Variants in CAND2 observed in about 807,000 individuals in gnomAD.
The protein encoded by CAND2 is cullin associated and neddylation dissociated 2 (putative), also known as cullin-associated NEDD8-dissociated protein 2.
Under a neutral mutation model 98.9 loss-of-function variants are expected in CAND2, and 62 were observed. That is an observed-to-expected ratio of 0.63 (90% CI 0.51 to 0.77). The LOEUF is 0.77. CAND2 is among the 30% of genes least tolerant of loss of function. The pLI is 0.00. For synonymous variants in CAND2, 770 were observed against 731.9 expected (o/e 1.05, Z -0.84); for missense variants, 1,501 against 1,655.2 (o/e 0.91, Z 1.62).
At chr3:12,808,449 T>G (rs2061824327) in intron 4 of CAND2, 116 bp downstream of exon 4, 2 of 1,165,700 alleles carry the variant, frequency 1.7e-6, no homozygotes, top group Non-Finnish European at 2.4e-6. Flanking sequence ...GGCTCCTTAA[T>G]CATCCCAGCA....
intron 5 of CAND2, 151 bp downstream of exon 5, chr3:12,810,475 T>G (rs1575767699): frequency 2.3e-5 from 3 of 132,304 alleles, no homozygotes; most frequent in South Asian, 9.1e-5. Context: ...GGGCGGGGCC[T>G]GGGCTGATGT....
chr3:12,815,184 G>A lies in CAND2; in HGVS notation c.1050G>A (p.Lys350=). Residue 350 remains lysine (K), a synonymous_variant, in exon 8 of 15, where the codon AAG becomes AAA. Transcript: ENST00000456430. This position sits in a 1 kb window ranked among gnomAD's most constrained non-coding sequence, Gnocchi z 5.7. The stretch of plus-strand genomic sequence containing the variant: ...GCGATGACGATGACATGAGCTGGAA[G>A]GTGCGCCGGGCAGCTGCCAAGTGCA... ...EYSDDDDMSW[K]VRRAAAKCIA... The A allele has an allele frequency of 6.2e-7, 1 of 1,613,478 alleles. No homozygotes were observed. The highest frequency in any genetic ancestry group is 1.1e-5 in the South Asian group (1 of 91,056).
At chr3:12,796,902 CTCTTCT>C in intron 1 of CAND2, 114 bp downstream of exon 1, 1 of 839,858 alleles carries the variant, frequency 1.2e-6, no homozygotes, top group Non-Finnish European at 2.0e-6. Flanking sequence ...TGCCTCTTCT[CTCTTCT>C]CCCTGCATTA....
Position 12,820,200 on chromosome 3 carries a change from C to T in CAND2, c.3040+19C>T, listed in dbSNP as rs552718268. ...TTCATCGGTGAGCACCTACCTCTTG[C>T]CCCTCCACCTTGTTCAGTGCCCCCA... On this transcript the variant is annotated intron_variant, in intron 11 of 14. Coordinates refer to ENST00000456430, the MANE Select transcript of CAND2 (RefSeq NM_001162499.2). 1.3e-5 allele frequency: 20 copies of T among 1,586,232 alleles called. 1 individual carries two copies. The South Asian group carries it at 2.2e-4, about 18-fold the overall frequency.
intron 9 of CAND2, 152 bp downstream of exon 9, chr3:12,816,160 C>G (rs1223741035): frequency 1.2e-6 from 1 of 863,164 alleles, no homozygotes; most frequent in Non-Finnish European, 1.8e-6. Context: ...CTCCCACTAC[C>G]AGCAGTGAGA....
At chr3:12,797,142 TC>T in intron 1 of CAND2, among the ~76,000 whole-genome samples, 1 of 139,982 alleles carries the variant, frequency 7.1e-6, no homozygotes. Flanking sequence ...GCCCCCTTCT[TC>T]CCCCGCAGCT....
chr3:12,805,215 CA>C (rs2061797457), intron 2 of CAND2, among the ~76,000 whole-genome samples: 1 of 151,858 alleles, frequency 6.6e-6, no homozygotes, highest in East Asian at 1.9e-4. Flanking sequence ...CAGATACAGA[CA>C]GGGGGTGTTG....
At chr3:12,824,166 A>G (rs1485101796) in intron 11 of CAND2, among the ~76,000 whole-genome samples, 1 of 152,166 alleles carries the variant, frequency 6.6e-6, no homozygotes, top group Non-Finnish European at 1.5e-5. Flanking sequence ...TTCCAAACCA[A>G]CATGGCACAT....
At chr3:12,797,751 C>T (rs1441082762) in intron 1 of CAND2, among the ~76,000 whole-genome samples, 1 of 134,086 alleles carries the variant, frequency 7.5e-6, no homozygotes, top group Non-Finnish European at 1.6e-5. Context: ...GTCTCAGAGA[C>T]ATGAAGGGCG....
intron 13 of CAND2, among the ~76,000 whole-genome samples, chr3:12,830,617 C>A (rs1251276843): frequency 6.6e-6 from 1 of 152,226 alleles, no homozygotes; most frequent in Admixed American, 6.5e-5. Context: ...ACTCTGCTGC[C>A]ACCCCCTGGG....
At position 12,825,630 on chromosome 3, in the gene CAND2, C is replaced by T. The variant is rs543852703; in HGVS notation, c.3201C>T (p.Leu1067=). ...AGGAGACAAAGATCCGGCGGGACCT[C>T]ATCCGAGAGGTGTGGAGCAGAGCTG... is the stretch of plus-strand genomic sequence containing the variant. ...LYQETKIRRD[L]IREVEMGPFK... Residue 1067 remains leucine, a synonymous_variant, in exon 12 of 15, where the codon CTC becomes CTT. Coordinates refer to ENST00000456430, the MANE Select transcript of CAND2 (RefSeq NM_001162499.2). 2 of 1,600,716 alleles carry T rather than the reference C, an allele frequency of 1.2e-6. No individual in the cohort carries two copies. The highest frequency in any genetic ancestry group is 1.3e-5 in the African/African-American group (1 of 74,950).
chr3:12,816,820 G>A lies in CAND2; in HGVS notation c.1888G>A (p.Ala630Thr), dbSNP rs186305305. The A allele has an allele frequency of 1.3e-3, 2,070 of 1,613,690 alleles. 5 individuals carry two copies. Among genetic ancestry groups the A allele is most frequent in the Non-Finnish European group, 1.7e-3 (1,985 of 1,180,040 alleles). ...RLRNEITRLP[A>T]IKALTLVAVS... is the part of the protein sequence containing the mutation. Reference sequence around the variant, plus strand: ...GCGGAATGAGATCACCCGGCTGCCCGCCATCAAGGCGCTTACGCTGGTGGC... The same window carrying A: ...GCGGAATGAGATCACCCGGCTGCCCACCATCAAGGCGCTTACGCTGGTGGC... The change falls in exon 10 of 15, where the codon GCC becomes ACC. Residue 630 changes from alanine to threonine, a missense_variant. Ala to Thr is a moderately conservative substitution (Grantham distance 58). This residue lies in a region of CAND2 where 1,427 missense variants were observed against 1,545.3 expected (regional missense o/e 0.92). Transcript: ENST00000456430.
chr3:12,811,180 C>T (rs2061849308), intron 5 of CAND2, among the ~76,000 whole-genome samples: 1 of 152,164 alleles, frequency 6.6e-6, no homozygotes, highest in South Asian at 2.1e-4. Flanking sequence ...TCCCAAACAG[C>T]AGCCAGCCCT....
intron 1 of CAND2, 138 bp from the exon 2 acceptor site, chr3:12,803,350 C>T (rs2061780725): frequency 1.4e-6 from 1 of 734,102 alleles, no homozygotes; most frequent in Non-Finnish European, 2.0e-6. Flanking sequence ...CTTACCAAAA[C>T]ATCATTATGT....
chr3:12,807,254 G>T, intron 2 of CAND2, 52 bp from the exon 3 acceptor site: 1 of 1,523,740 alleles, frequency 6.6e-7, no homozygotes, highest in South Asian at 1.2e-5. Context: ...GGGGCAGCCT[G>T]ACTCAGGCTG....
At position 12,823,716 on chromosome 3, in the gene CAND2, C is replaced by T. The variant is rs1375383175; in HGVS notation, c.3041-1754C>T. The stretch of plus-strand genomic sequence containing the variant: ...CTGCACTCCAGTCTGGGCGACAGAG[C>T]GAGACTCCATCTCAAAAAAAAAAAC... On this transcript the variant is annotated intron_variant, in intron 11 of 14. Transcript: ENST00000456430. Among the ~76,000 whole-genome samples, 21 of 141,780 alleles carry T rather than the reference C, an allele frequency of 1.5e-4. No individual in the cohort carries two copies. The South Asian group carries it at 3.4e-3, about 23-fold the overall frequency. The allele number at this position is 141,780 out of a possible 152,430, so 93.0% of individuals were successfully genotyped here. A position where few individuals can be genotyped will look rare whatever the true frequency, so the allele number is the denominator to read the frequency against.
intron 4 of CAND2, among the ~76,000 whole-genome samples, chr3:12,809,298 C>T (rs1457536529): frequency 6.6e-6 from 1 of 152,086 alleles, no homozygotes; most frequent in Non-Finnish European, 1.5e-5. Context: ...GGCACTCACT[C>T]AACCACACAC....
In CAND2 at chr3:12,815,137, C is replaced by T. The variant is rs752381249; in HGVS notation, c.1007-4C>T. ...GTTCCACGTGTGTCTTGTTCCTGCCCCAGAGAGTGAAGACGAGTACAGCGA... is the reference window on the plus strand; with the variant it reads ...GTTCCACGTGTGTCTTGTTCCTGCCTCAGAGAGTGAAGACGAGTACAGCGA... On this transcript the variant is annotated splice_polypyrimidine_tract_variant and splice_region_variant and intron_variant, in intron 7 of 14. Transcript: ENST00000456430. This position sits in a 1 kb window ranked among gnomAD's most constrained non-coding sequence, Gnocchi z 5.7. The T allele has an allele frequency of 1.2e-6, 2 of 1,601,562 alleles. No homozygotes were observed. The highest frequency in any genetic ancestry group is 3.4e-5 in the Admixed American group (2 of 59,660).
intron 13 of CAND2, among the ~76,000 whole-genome samples, 190 bp downstream of exon 13, chr3:12,827,794 C>G (rs1036426845): frequency 1.3e-5 from 2 of 151,996 alleles, no homozygotes; most frequent in Admixed American, 1.3e-4. Flanking sequence ...ACTGGGCAGG[C>G]TCTTTGGAGG....
Sources: allele counts gnomAD v4.1 joint callset (sites outside exome capture counted in the v4.1 genomes callset), GRCh38; gene constraint gnomAD v4.1.1; regional missense constraint gnomAD v4.1.1; non-coding constraint Gnocchi (gnomAD v3.1); transcripts MANE v1.5; gene names NCBI Gene and HGNC (gene_info 2026-07-23, HGNC 2026-07-21).